The following BICD1 variants were observed in gnomAD, a reference collection of about 807,000 sequenced individuals.
BICD1 encodes BICD cargo adaptor 1.
In BICD1, 35 loss-of-function variants were observed where a neutral mutation model predicts 92.5. The ratio of observed to expected loss-of-function variants is 0.38; its 90% CI spans 0.29 to 0.50. The LOEUF is 0.50. Among genes scored for constraint, BICD1 ranks in the 20% least tolerant of loss-of-function variants. The pLI is 0.93. For synonymous variants in BICD1, 429 were observed against 465.1 expected, an observed-to-expected ratio of 0.92 and a Z score of 1.00; for missense variants, 950 against 1,189.8, an observed-to-expected ratio of 0.80 and a Z score of 2.97.
intron 8 of BICD1, among the ~76,000 whole-genome samples, chr12:32,346,021 C>T (rs1251005359): frequency 2.0e-5 from 3 of 151,944 alleles, no homozygotes; most frequent in Admixed American, 6.6e-5. Context: ...TAGTGGCATG[C>T]GCCTGTACTC....
intron 1 of BICD1, among the ~76,000 whole-genome samples, chr12:32,193,259 G>C (rs548806906): frequency 6.6e-6 from 1 of 152,336 alleles, no homozygotes; most frequent in East Asian, 1.9e-4. Context: ...TCAGTAATGA[G>C]ACAAGACCTT....
chr12:32,149,161 C>T (rs750170371), intron 1 of BICD1, among the ~76,000 whole-genome samples: 17 of 152,148 alleles, frequency 1.1e-4, no homozygotes, highest in Non-Finnish European at 2.1e-4. Context: ...TGGGATAGGC[C>T]ATTTCCATAC....
intron 9 of BICD1, among the ~76,000 whole-genome samples, chr12:32,369,792 G>T (rs1481058181): frequency 6.6e-6 from 1 of 151,826 alleles, no homozygotes; most frequent in Non-Finnish European, 1.5e-5. Context: ...TGTAGTCCCA[G>T]CTATTTGGGA....
chr12:32,348,222 T>G (rs1938702715), intron 8 of BICD1, among the ~76,000 whole-genome samples: 1 of 152,204 alleles, frequency 6.6e-6, no homozygotes, highest in African/African-American at 2.4e-5. Context: ...CAAAATAAGC[T>G]ATGATGAAAG....
chr12:32,206,933 G>A (rs1421004362), intron 1 of BICD1, among the ~76,000 whole-genome samples: 3 of 152,134 alleles, frequency 2.0e-5, no homozygotes, highest in African/African-American at 7.2e-5. Context: ...CATATGGAAG[G>A]ATTTCATCAT....
At chr12:32,172,076 G>T (rs11051829) in intron 1 of BICD1, among the ~76,000 whole-genome samples, 17,873 of 151,492 alleles carry the variant, frequency 0.12, 1,365 homozygotes, top group East Asian at 0.29. Flanking sequence ...CTCTCCCTCC[G>T]TTCCTTTTCT....
chr12:32,273,637 C>T (rs1213221138), intron 2 of BICD1, among the ~76,000 whole-genome samples: 2 of 152,208 alleles, frequency 1.3e-5, no homozygotes, highest in African/African-American at 2.4e-5. Flanking sequence ...GTAGAGGGTG[C>T]CTCAAGGCAG....
intron 2 of BICD1, among the ~76,000 whole-genome samples, chr12:32,262,143 C>G (rs975554694): frequency 6.6e-6 from 1 of 152,192 alleles, no homozygotes. Context: ...TATCACAGTG[C>G]AAATGCAGCT....
chr12:32,215,600 G>T (rs1319839189), intron 1 of BICD1, among the ~76,000 whole-genome samples: 1 of 152,078 alleles, frequency 6.6e-6, no homozygotes, highest in Non-Finnish European at 1.5e-5. Context: ...AAGGTGACAT[G>T]AATTTTGATG....
intron 1 of BICD1, among the ~76,000 whole-genome samples, chr12:32,181,932 T>G (rs527631525): frequency 2.0e-5 from 3 of 152,132 alleles, no homozygotes; most frequent in African/African-American, 7.2e-5. Flanking sequence ...GTCTGGGCCA[T>G]AAAACCGTGG....
rs116846319 is a variant in BICD1 at position 32,119,192 on chromosome 12, T to C, written c.213+11648T>C. Among the ~76,000 whole-genome samples, 51 of 152,336 alleles carry C rather than the reference T, an allele frequency of 3.3e-4. No individual in the cohort carries two copies. In the East Asian group the frequency reaches 9.4e-3, roughly 28 times the overall value. ...TAGGGGAAGGGATGGGTTACCATGC[T>C]CTGTAAAAATGACCATTCATATTTG... On this transcript the variant is annotated intron_variant, in intron 1 of 9. Transcript: ENST00000652176.
chr12:32,232,079 T>C (rs551332599), intron 2 of BICD1, among the ~76,000 whole-genome samples: 106 of 151,704 alleles, frequency 7.0e-4, no homozygotes, highest in African/African-American at 2.4e-3. Flanking sequence ...GCAGCCTGAT[T>C]TATAGTCCTT....
At chr12:32,231,167 T>G (rs1287154558) in intron 2 of BICD1, among the ~76,000 whole-genome samples, 4 of 152,106 alleles carry the variant, frequency 2.6e-5, no homozygotes, top group African/African-American at 9.7e-5. Context: ...TCCCAAATAT[T>G]TGGGAGAAAA....
chr12:32,155,937 T>C (rs1943422176), intron 1 of BICD1, among the ~76,000 whole-genome samples: 1 of 152,212 alleles, frequency 6.6e-6, no homozygotes, highest in Non-Finnish European at 1.5e-5. Context: ...TATCTAGCAA[T>C]TCTGCAGACC....
chr12:32,281,961 T>C (rs140909155), intron 2 of BICD1, among the ~76,000 whole-genome samples: 3 of 152,274 alleles, frequency 2.0e-5, no homozygotes, highest in African/African-American at 7.2e-5. Flanking sequence ...GGGGGAAAGA[T>C]AGCCAATAAA....
chr12:32,365,505 G>A lies in BICD1; in HGVS notation c.2765-2165G>A, dbSNP rs184108668. ...AGATGTAAGCCATTTTAATACTCTA[G>A]TTACTCTAATTCTAAGGATCGCTAT... On this transcript the variant is annotated intron_variant, in intron 8 of 9. Transcript: ENST00000652176. Among the ~76,000 whole-genome samples, 386 of 152,284 alleles carry A rather than the reference G, an allele frequency of 2.5e-3. 4 individuals are homozygous for A. The highest frequency in any genetic ancestry group is 8.8e-3 in the African/African-American group (366 of 41,540).
chr12:32,375,712 T>C (rs142953251), intron 9 of BICD1, among the ~76,000 whole-genome samples: 2 of 152,222 alleles, frequency 1.3e-5, no homozygotes, highest in East Asian at 3.9e-4. Context: ...TTCAAAGAGT[T>C]TGGGAAGAAA....
intron 2 of BICD1, among the ~76,000 whole-genome samples, chr12:32,291,676 A>C (rs1947730886): frequency 6.6e-6 from 1 of 151,762 alleles, no homozygotes; most frequent in Non-Finnish European, 1.5e-5. Flanking sequence ...CATCTCTACA[A>C]AAAATACAAA....
chr12:32,330,006 A>G (rs2136267304), intron 5 of BICD1, among the ~76,000 whole-genome samples: 1 of 152,294 alleles, frequency 6.6e-6, no homozygotes, highest in East Asian at 1.9e-4. Context: ...AGTGAATAGT[A>G]GGTCAAGGGA....
Sources: allele counts gnomAD v4.1 joint callset (sites outside exome capture counted in the v4.1 genomes callset), GRCh38; gene constraint gnomAD v4.1.1; transcripts MANE v1.5; gene names NCBI Gene and HGNC (gene_info 2026-07-23, HGNC 2026-07-21).